Variants in LMF1 observed in about 807,000 individuals in gnomAD.
LMF1 encodes the protein lipase maturation factor 1.
In LMF1, 68 loss-of-function variants were observed where a neutral mutation model predicts 60.6. That is an observed-to-expected ratio of 1.12 (90% CI 0.92 to 1.37). The LOEUF (loss-of-function observed/expected upper bound fraction) is 1.37. Among genes scored for constraint, LMF1 ranks in the 40% most tolerant of loss-of-function variants. LMF1 has a pLI of 0.00. For missense variants in LMF1, 948 were observed against 767.2 expected (o/e 1.24, Z -2.78); for synonymous variants, 418 against 324.7 (o/e 1.29, Z -3.09).
intron 3 of LMF1, among the ~76,000 whole-genome samples, chr16:925,197 C>T (rs2071560188): frequency 6.6e-6 from 1 of 152,252 alleles, no homozygotes; most frequent in South Asian, 2.1e-4. Context: ...AAACATCCTG[C>T]ATCCATACAG....
At chr16:944,176 G>C (rs1370992870) in intron 2 of LMF1, among the ~76,000 whole-genome samples, 1 of 152,036 alleles carries the variant, frequency 6.6e-6, no homozygotes, top group South Asian at 2.1e-4. Context: ...CCGGCTGATG[G>C]GGAGGCTTGT....
chr16:926,582 G>A (rs2071614111), intron 3 of LMF1, among the ~76,000 whole-genome samples: 1 of 152,206 alleles, frequency 6.6e-6, no homozygotes, highest in African/African-American at 2.4e-5. Context: ...CGGGGTGGAT[G>A]TAAATTAGAT....
At chr16:963,255 G>A (rs77440498) in intron 1 of LMF1, among the ~76,000 whole-genome samples, 12,173 of 152,048 alleles carry the variant, frequency 0.08, 585 homozygotes, top group African/African-American at 0.14. Flanking sequence ...AGCTGTGAGC[G>A]CTGACCTCCT....
chr16:915,492 A>C (rs1031512112), intron 3 of LMF1, among the ~76,000 whole-genome samples: 11 of 152,204 alleles, frequency 7.2e-5, no homozygotes, highest in Admixed American at 2.0e-4. Flanking sequence ...GAAGAACCAG[A>C]AGATTCTCCA....
At position 864,391 on chromosome 16, in the gene LMF1, C is replaced by T. The variant is rs2069554048; in HGVS notation, c.1529+4553G>A. Among the ~76,000 whole-genome samples the T allele has an allele frequency of 3.3e-5, 5 of 152,214 alleles. No homozygotes were observed. The South Asian group carries it at 1.0e-3, about 31-fold the overall frequency. On this transcript the variant is annotated intron_variant, in intron 10 of 10. Coordinates refer to ENST00000262301, the MANE Select transcript of LMF1 (RefSeq NM_022773.4). ...GGATACGCACTCGGTAGGAACCGCA[C>T]TGTGAGTGCCCAGACAACTATCCTG... is the stretch of plus-strand genomic sequence containing the variant.
At chr16:864,465 T>C (rs1224730861) in intron 10 of LMF1, among the ~76,000 whole-genome samples, 2 of 152,180 alleles carry the variant, frequency 1.3e-5, no homozygotes, top group African/African-American at 4.8e-5. Flanking sequence ...AACACTGTAT[T>C]ACAAAACAGG....
At chr16:916,564 G>C (rs2071284595) in intron 3 of LMF1, among the ~76,000 whole-genome samples, 1 of 152,240 alleles carries the variant, frequency 6.6e-6, no homozygotes, top group African/African-American at 2.4e-5. Flanking sequence ...TGGGGGCTGG[G>C]GAGTTCGGCT....
chr16:921,397 C>G (rs1484880392), intron 3 of LMF1, among the ~76,000 whole-genome samples: 2 of 152,186 alleles, frequency 1.3e-5, no homozygotes, highest in Non-Finnish European at 2.9e-5. Flanking sequence ...CCTGCAGAGA[C>G]GTGGACAAGG....
At chr16:969,999 C>T (rs2073007250) in intron 1 of LMF1, among the ~76,000 whole-genome samples, 1 of 152,216 alleles carries the variant, frequency 6.6e-6, no homozygotes, top group African/African-American at 2.4e-5. Context: ...AGGCTGCGCA[C>T]GCGGGCCCCG....
At chr16:898,778 T>C (rs1450383699) in intron 4 of LMF1, among the ~76,000 whole-genome samples, 1 of 152,262 alleles carries the variant, frequency 6.6e-6, no homozygotes, top group Non-Finnish European at 1.5e-5. Context: ...CTAGTCACCA[T>C]ACCATGTAAA....
chr16:898,808 G>A (rs752717320), intron 4 of LMF1, among the ~76,000 whole-genome samples: 4 of 152,202 alleles, frequency 2.6e-5, no homozygotes, highest in African/African-American at 4.8e-5. Context: ...CTGTGATCAC[G>A]GTTTTAACTT....
intron 10 of LMF1, among the ~76,000 whole-genome samples, chr16:862,170 T>C (rs1169848192): frequency 6.7e-6 from 1 of 149,164 alleles, no homozygotes; most frequent in Non-Finnish European, 1.5e-5. Flanking sequence ...GCAAATTCTA[T>C]TTAGTAATTT....
rs1418238997 is a variant in LMF1, at chr16:981,144, C to T, written c.-135+1G>A. On this transcript the variant is annotated splice_donor_variant, in intron 1 of 6. Transcript: ENST00000570014. LOFTEE classifies it low-confidence loss of function (5UTR_SPLICE). ...AGCCGCGGCCCCTTGAAGCGCGTTA[C>T]CTGGACGTGCGCTGTCCGCAGACTC... The T allele has an allele frequency of 2.2e-6, 1 of 445,848 alleles. No homozygotes were observed. The highest frequency in any genetic ancestry group is 4.5e-6 in the Non-Finnish European group (1 of 221,578). The allele number at this position is 445,848 out of a possible 1,614,324, so 27.6% of individuals were successfully genotyped here.
At chr16:948,176 A>AACGACAGAGTCAGCCT (rs2072298752) in intron 2 of LMF1, among the ~76,000 whole-genome samples, 1 of 151,826 alleles carries the variant, frequency 6.6e-6, no homozygotes, top group Non-Finnish European at 1.5e-5. Context: ...AGAGTCAGCC[A>AACGACAGAGTCAGCCT]ACGACAGAGT....
At chr16:931,897 C>T (rs547342093) in intron 3 of LMF1, 7 of 910,726 alleles carry the variant, frequency 7.7e-6, no homozygotes, top group South Asian at 7.6e-5. Context: ...CCTACAATTA[C>T]CACCTGCTAC....
Position 897,672 on chromosome 16 carries a change from G to A in LMF1, c.664-4600C>T, listed in dbSNP as rs1251086460. Among the ~76,000 whole-genome samples the A allele has an allele frequency of 1.3e-5, 2 of 152,146 alleles. No individual in the cohort carries two copies. The highest frequency in any genetic ancestry group is 2.9e-5 in the Non-Finnish European group (2 of 68,010). On this transcript the variant is annotated intron_variant, in intron 4 of 10. Coordinates refer to ENST00000262301, the MANE Select transcript of LMF1 (RefSeq NM_022773.4). This position sits in a 1 kb window ranked among gnomAD's most constrained non-coding sequence, Gnocchi z 4.3. ...CCCGAGTGCTCTGAGAGCTGGGGGT[G>A]GGTGGAAACCGTGTCTCAGGGTGAA...
At chr16:933,835 C>G in intron 3 of LMF1, 1 of 645,198 alleles carries the variant, frequency 1.5e-6, no homozygotes, top group Non-Finnish European at 2.3e-6. Flanking sequence ...CCGGTCCCCT[C>G]CACCAAACAA....
intron 3 of LMF1, among the ~76,000 whole-genome samples, chr16:923,042 G>A (rs1386601250): frequency 6.3e-5 from 8 of 127,712 alleles, no homozygotes; most frequent in East Asian, 2.3e-4. Context: ...TGTGAAGGTC[G>A]CCTGGGTTTT....
chr16:868,800 C>A, intron 10 of LMF1, 144 bp downstream of exon 10: 2 of 584,636 alleles, frequency 3.4e-6, no homozygotes, highest in Admixed American at 2.9e-5. Flanking sequence ...CCTTTTTGCT[C>A]CCAGCAGGCC....
Sources: allele counts gnomAD v4.1 joint callset (sites outside exome capture counted in the v4.1 genomes callset), GRCh38; gene constraint gnomAD v4.1.1; non-coding constraint Gnocchi (gnomAD v3.1); transcripts MANE v1.5; gene names NCBI Gene and HGNC (gene_info 2026-07-23, HGNC 2026-07-21).